Variants in NAF1 observed in about 807,000 individuals in gnomAD.
The protein encoded by NAF1 is nuclear assembly factor 1 ribonucleoprotein.
In NAF1, 11 loss-of-function variants were observed where a neutral mutation model predicts 40.6. That is an observed-to-expected ratio of 0.27 (90% CI 0.17 to 0.45). NAF1 has a LOEUF of 0.45. Among genes scored for constraint, NAF1 ranks in the 20% least tolerant of loss-of-function variants. The pLI is 1.00. For missense variants in NAF1, 607 were observed against 611.1 expected (o/e 0.99, Z 0.07); for synonymous variants, 260 against 228.5 (o/e 1.14, Z -1.24).
chr4:163,150,487 G>A lies in NAF1; in HGVS notation c.541-2053C>T, dbSNP rs1731655835. The stretch of plus-strand genomic sequence containing the variant: ...ATAAAATATCCATATTTTAATACAA[G>A]GTACCCTTTTTACTGATCATACCCT... On this transcript the variant is annotated intron_variant, in intron 2 of 7. Coordinates refer to ENST00000274054, the MANE Select transcript of NAF1 (RefSeq NM_138386.3). Among the ~76,000 whole-genome samples, 3 of 151,848 alleles carry A rather than the reference G, an allele frequency of 2.0e-5. No individual in the cohort carries two copies. The South Asian group carries it at 6.2e-4, about 32-fold the overall frequency.
In NAF1 at chr4:163,152,493, T is replaced by C. The variant is rs550579136; in HGVS notation, c.541-4059A>G. 1.5e-3 allele frequency among the ~76,000 whole-genome samples: 226 copies of C among 152,330 alleles called. 1 individual carries two copies. Among genetic ancestry groups the C allele is most frequent in the African/African-American group, 4.7e-3 (196 of 41,584 alleles). On this transcript the variant is annotated intron_variant, in intron 2 of 7. Coordinates refer to ENST00000274054, the MANE Select transcript of NAF1 (RefSeq NM_138386.3). ...AACAGTGTCTGGCAGGCCCTCTTAG[T>C]TCCTGTTGCTGTTCCATGTTTCCAA...
downstream of NAF1, among the ~76,000 whole-genome samples, chr4:163,109,542 T>A (rs1730105600): frequency 6.6e-6 from 1 of 152,154 alleles, no homozygotes; most frequent in Admixed American, 6.5e-5. Flanking sequence ...AGAAAAAAAA[T>A]CCTCTTGTGA....
intron 7 of NAF1, among the ~76,000 whole-genome samples, chr4:163,132,716 G>A (rs932228482): frequency 2.0e-5 from 3 of 152,202 alleles, no homozygotes; most frequent in Admixed American, 1.3e-4. Context: ...GTTGCAACTG[G>A]GGGAAACTGA....
downstream of NAF1, among the ~76,000 whole-genome samples, chr4:163,123,376 C>T (rs1011168551): frequency 2.6e-5 from 4 of 152,208 alleles, no homozygotes; most frequent in Non-Finnish European, 4.4e-5. Context: ...AACTGTAGCA[C>T]AGTCTCAACC....
downstream of NAF1, among the ~76,000 whole-genome samples, chr4:163,124,703 G>C (rs28418506): frequency 0.023 from 3,500 of 152,274 alleles, 133 homozygotes; most frequent in African/African-American, 0.064. Context: ...CCAGACCTAA[G>C]TGGTTAAGAC....
At chr4:163,149,431 A>G (rs12647675) in intron 2 of NAF1, among the ~76,000 whole-genome samples, 3,504 of 152,262 alleles carry the variant, frequency 0.023, 134 homozygotes, top group African/African-American at 0.065. Flanking sequence ...AACTTAAACT[A>G]GGTTCTTAAA....
At chr4:163,120,089 G>A (rs1458615995) in intron 2 of NAF1, 1 of 152,244 alleles carries the variant, frequency 6.6e-6, no homozygotes, top group Non-Finnish European at 1.5e-5. Context: ...TGTCTGAGAT[G>A]AAATGCTGCA....
chr4:163,121,017 G>A (rs1470423482), intron 2 of NAF1, among the ~76,000 whole-genome samples: 2 of 151,912 alleles, frequency 1.3e-5, no homozygotes, highest in African/African-American at 4.8e-5. Context: ...TCAGACTCCC[G>A]AGTAGCTGGA....
intron 7 of NAF1, among the ~76,000 whole-genome samples, chr4:163,130,368 G>C (rs904923063): frequency 6.6e-6 from 1 of 151,946 alleles, no homozygotes; most frequent in African/African-American, 2.4e-5. Context: ...AAATTACAAA[G>C]TTTTAGGAAA....
chr4:163,159,771 G>T (rs566462686), intron 2 of NAF1, among the ~76,000 whole-genome samples: 1 of 152,134 alleles, frequency 6.6e-6, no homozygotes, highest in South Asian at 2.1e-4. Flanking sequence ...TTGCCAATAA[G>T]CATTAATTTT....
At position 163,164,440 on chromosome 4, in the gene NAF1, A is replaced by G. The variant is rs749080252; in HGVS notation, c.366-49T>C. The G allele has an allele frequency of 8.0e-6, 10 of 1,243,010 alleles. No individual in the cohort carries two copies. In the South Asian group the frequency reaches 1.8e-4, roughly 22 times the overall value. 77.0% of individuals were successfully genotyped at this position (1,243,010 alleles called of 1,614,324 possible). ...AAAATAGTCCAGTATTATTATACTAATATTAAAATAAGATTATTCAATTAA... is the reference window on the plus strand; with the variant it reads ...AAAATAGTCCAGTATTATTATACTAGTATTAAAATAAGATTATTCAATTAA... On this transcript the variant is annotated intron_variant, in intron 1 of 7. Transcript: ENST00000274054.
chr4:163,115,285 T>C (rs1352051724), intron 2 of NAF1, among the ~76,000 whole-genome samples: 1 of 143,050 alleles, frequency 7.0e-6, no homozygotes, highest in African/African-American at 2.5e-5. Flanking sequence ...CTCGGCTCAC[T>C]GCAAGCTCCG....
At chr4:163,140,982 A>G (rs1003645942) in intron 4 of NAF1, among the ~76,000 whole-genome samples, 5 of 152,244 alleles carry the variant, frequency 3.3e-5, no homozygotes, top group African/African-American at 7.2e-5. Context: ...GCAGAACCAC[A>G]TATTTTACTT....
intron 4 of NAF1, among the ~76,000 whole-genome samples, chr4:163,143,782 T>C (rs1731353541): frequency 6.6e-6 from 1 of 152,200 alleles, no homozygotes; most frequent in African/African-American, 2.4e-5. Flanking sequence ...TGGGCTAAAC[T>C]GCCAAAGGAG....
At chr4:163,160,120 G>A (rs774061955) in intron 2 of NAF1, among the ~76,000 whole-genome samples, 2 of 152,046 alleles carry the variant, frequency 1.3e-5, no homozygotes, top group African/African-American at 2.4e-5. Context: ...GTGGCTCAAC[G>A]TAGTTCCAAA....
At chr4:163,144,043 A>G (rs1005788850) in intron 4 of NAF1, 5 of 975,202 alleles carry the variant, frequency 5.1e-6, no homozygotes, top group Non-Finnish European at 6.1e-6. Flanking sequence ...AGAGTCCTCT[A>G]GAAAATCATC....
At chr4:163,157,953 T>C (rs1282268701) in intron 2 of NAF1, among the ~76,000 whole-genome samples, 1 of 152,118 alleles carries the variant, frequency 6.6e-6, no homozygotes, top group East Asian at 1.9e-4. Context: ...CAAGCATTTG[T>C]GAAGGCTTAT....
chr4:163,131,108 T>C (rs1224254961), intron 7 of NAF1, among the ~76,000 whole-genome samples: 1 of 152,198 alleles, frequency 6.6e-6, no homozygotes, highest in Non-Finnish European at 1.5e-5. Context: ...CCTGACTTCC[T>C]GATCTGCCTG....
chr4:163,161,016 T>TC (rs1163073400), intron 2 of NAF1, among the ~76,000 whole-genome samples: 7 of 116,900 alleles, frequency 6.0e-5, no homozygotes, highest in African/African-American at 2.2e-4. Context: ...ACTGTCATTT[T>TC]CCAAAAAAAA....
Sources: allele counts gnomAD v4.1 joint callset (sites outside exome capture counted in the v4.1 genomes callset), GRCh38; gene constraint gnomAD v4.1.1; transcripts MANE v1.5; gene names NCBI Gene and HGNC (gene_info 2026-07-23, HGNC 2026-07-21).